METTL15: variants seen among roughly 807,000 people sequenced by gnomAD.
The protein encoded by METTL15 is 12S rRNA N(4)-cytidine methyltransferase METTL15.
In METTL15, 34 loss-of-function variants were observed where a neutral mutation model predicts 38.3. The ratio of observed to expected loss-of-function variants is 0.89; its 90% CI spans 0.68 to 1.18. METTL15 has a LOEUF of 1.18. Ranked by LOEUF, METTL15 falls within the 50% of genes most tolerant of loss-of-function variation. The pLI, the probability that METTL15 is intolerant of heterozygous loss-of-function variation, is 0.00. For missense variants in METTL15, 438 were observed against 498.4 expected (o/e 0.88, Z 1.15); for synonymous variants, 162 against 170.9 (o/e 0.95, Z 0.41).
chr11:28,120,989 A>G (rs1056904853), intron 3 of METTL15, among the ~76,000 whole-genome samples: 3 of 152,166 alleles, frequency 2.0e-5, no homozygotes, highest in Admixed American at 2.0e-4. Flanking sequence ...TAAATGGGTC[A>G]TCTGTCATCT....
intron 4 of METTL15, 96 bp from the exon 5 acceptor site, chr11:28,290,110 G>T (rs1856451439): frequency 3.0e-6 from 3 of 1,002,350 alleles, no homozygotes; most frequent in South Asian, 3.8e-5. Flanking sequence ...GTTAAATCAT[G>T]TAATAATAGA....
At chr11:28,359,243 G>A (rs1850115288) in intron 4 of METTL15, among the ~76,000 whole-genome samples, 1 of 152,154 alleles carries the variant, frequency 6.6e-6, no homozygotes, top group Admixed American at 6.5e-5. Context: ...CCATACCCAT[G>A]TTGCTGCAAA....
At chr11:28,295,457 G>A (rs1265312980) in intron 5 of METTL15, among the ~76,000 whole-genome samples, 1 of 151,796 alleles carries the variant, frequency 6.6e-6, no homozygotes, top group African/African-American at 2.4e-5. Context: ...TGAGTTTAAC[G>A]GCAGTCCGAC....
chr11:28,109,442 AG>A (rs1352540594), intron 1 of METTL15, among the ~76,000 whole-genome samples: 3 of 152,170 alleles, frequency 2.0e-5, no homozygotes, highest in Non-Finnish European at 4.4e-5. Flanking sequence ...ATGGTCTCTC[AG>A]TTAATTCTCA....
chr11:28,290,527 A>C, intron 5 of METTL15, 130 bp downstream of exon 5: 2 of 795,670 alleles, frequency 2.5e-6, no homozygotes, highest in Non-Finnish European at 4.0e-6. Flanking sequence ...TACATAATAA[A>C]TCAGTTTGTT....
chr11:28,234,506 G>A (rs1402984265), intron 4 of METTL15, among the ~76,000 whole-genome samples: 6 of 151,570 alleles, frequency 4.0e-5, no homozygotes, highest in African/African-American at 9.7e-5. Flanking sequence ...TCTAACTGGT[G>A]TGAGATGGTA....
intron 6 of METTL15, among the ~76,000 whole-genome samples, chr11:28,465,290 C>T (rs776924144): frequency 1.3e-5 from 2 of 152,128 alleles, no homozygotes; most frequent in Admixed American, 6.5e-5. Context: ...AGTCTCCTTG[C>T]TCCTCTTACC....
intron 6 of METTL15, among the ~76,000 whole-genome samples, chr11:28,457,865 A>T (rs1851182229): frequency 6.6e-6 from 1 of 152,116 alleles, no homozygotes; most frequent in Admixed American, 6.6e-5. Flanking sequence ...TGGTGGCAGG[A>T]TAAGGATTTG....
chr11:28,134,622 G>A, intron 3 of METTL15: 2 of 398,502 alleles, frequency 5.0e-6, no homozygotes, highest in Admixed American at 4.4e-5. Context: ...TTTTGGAAAA[G>A]CGGCAGTTAG....
intron 5 of METTL15, among the ~76,000 whole-genome samples, chr11:28,362,985 A>C (rs1371887738): frequency 1.3e-5 from 2 of 152,058 alleles, no homozygotes; most frequent in African/African-American, 2.4e-5. Flanking sequence ...TGTAGTATAA[A>C]CTTTCCCTTT....
chr11:28,494,872 C>G (rs1301604472), intron 6 of METTL15, among the ~76,000 whole-genome samples: 1 of 152,152 alleles, frequency 6.6e-6, no homozygotes, highest in Non-Finnish European at 1.5e-5. Context: ...GCCTATTTCC[C>G]TTATAAATTA....
intron 4 of METTL15, among the ~76,000 whole-genome samples, chr11:28,268,196 C>CAAA (rs71050954): frequency 0.013 from 798 of 63,700 alleles, 80 homozygotes; most frequent in East Asian, 0.018. Context: ...GACTCCGTCT[C>CAAA]AAAAAAAAAA....
chr11:28,495,464 T>G (rs1230159418), intron 6 of METTL15, among the ~76,000 whole-genome samples: 2 of 152,188 alleles, frequency 1.3e-5, no homozygotes, highest in African/African-American at 4.8e-5. Context: ...CTGAGCATGC[T>G]TGTAAGGGGG....
At chr11:28,223,286 CT>C (rs1464677500) in intron 4 of METTL15, among the ~76,000 whole-genome samples, 2 of 151,978 alleles carry the variant, frequency 1.3e-5, no homozygotes, top group Non-Finnish European at 2.9e-5. Flanking sequence ...ATGTTTACAT[CT>C]CTGCATATTT....
At chr11:28,420,090 A>G (rs183376685) in intron 5 of METTL15, among the ~76,000 whole-genome samples, 1 of 152,306 alleles carries the variant, frequency 6.6e-6, no homozygotes, top group Admixed American at 6.5e-5. Flanking sequence ...AGAGAAAGAG[A>G]CAAAGTTAGA....
chr11:28,225,931 T>C (rs1178676328), intron 4 of METTL15, among the ~76,000 whole-genome samples: 1 of 152,008 alleles, frequency 6.6e-6, no homozygotes, highest in Non-Finnish European at 1.5e-5. Context: ...TCTTTGAGAT[T>C]ATTCTCTGGG....
At chr11:28,448,683 A>T (rs1403176485) in intron 6 of METTL15, among the ~76,000 whole-genome samples, 1 of 152,066 alleles carries the variant, frequency 6.6e-6, no homozygotes, top group African/African-American at 2.4e-5. Flanking sequence ...CATTTATAGA[A>T]TATTTTCTTC....
intron 3 of METTL15, among the ~76,000 whole-genome samples, chr11:28,126,028 A>G (rs1451831328): frequency 1.3e-5 from 2 of 152,142 alleles, no homozygotes; most frequent in East Asian, 1.9e-4. Context: ...CACTCCAGCA[A>G]TTGAATCTTC....
intron 6 of METTL15, among the ~76,000 whole-genome samples, chr11:28,510,152 G>A (rs567359184): frequency 6.6e-6 from 1 of 152,122 alleles, no homozygotes; most frequent in African/African-American, 2.4e-5. Context: ...TTTCCTTACA[G>A]CGCCTGTGTC....
Sources: allele counts gnomAD v4.1 joint callset (sites outside exome capture counted in the v4.1 genomes callset), GRCh38; gene constraint gnomAD v4.1.1; transcripts MANE v1.5; gene names NCBI Gene and HGNC (gene_info 2026-07-23, HGNC 2026-07-21).